Variants in KCNQ1 observed in about 807,000 individuals in gnomAD.
KCNQ1 encodes potassium voltage-gated channel subfamily Q member 1.
Under a neutral mutation model 72.4 loss-of-function variants are expected in KCNQ1, and 49 were observed. The observed-to-expected ratio is 0.68, with a 90% CI of 0.54 to 0.86. KCNQ1 has a LOEUF of 0.86. Ranked by LOEUF, KCNQ1 falls within the 40% of genes least tolerant of loss-of-function variation. The probability of loss-of-function intolerance (pLI) is 0.00; values close to 1 mark genes in which losing one functional copy is unlikely to be tolerated. For synonymous variants in KCNQ1, 450 were observed against 412.6 expected (o/e 1.09, Z -1.10); for missense variants, 790 against 945.1 (o/e 0.84, Z 2.15).
rs908857033 is a variant in KCNQ1 at position 2,644,865 on chromosome 11, T to G, written c.1394-17096T>G. On this transcript the variant is annotated intron_variant, in intron 10 of 15. Transcript: ENST00000155840. ...CCTCTGTAGTTTAGGATGCAGTTGT[T>G]GGTGGAGGCTGTGGTAAAGTCTGGC... 4 of 398,620 alleles carry G rather than the reference T, an allele frequency of 1.0e-5. No individual in the cohort carries two copies. In the Admixed American group the frequency reaches 1.8e-4, roughly 18 times the overall value. 24.7% of individuals were successfully genotyped at this position (398,620 alleles called of 1,614,324 possible). A position where few individuals can be genotyped will look rare whatever the true frequency, so the allele number is the denominator to read the frequency against.
chr11:2,619,229 A>G, intron 10 of KCNQ1: 1 of 398,546 alleles, frequency 2.5e-6, no homozygotes. Context: ...AGTAGTAGCT[A>G]GAGTGGGCAT....
chr11:2,839,696 G>C (rs1009205322), intron 15 of KCNQ1: 1 of 152,352 alleles, frequency 6.6e-6, no homozygotes, highest in Non-Finnish European at 1.5e-5. Flanking sequence ...GCCGTGGTGC[G>C]GACTTTGTTG....
At position 2,651,686 on chromosome 11, in the gene KCNQ1, T is replaced by C; in HGVS notation, c.1394-10275T>C. ...TGACATTAGCCACGTGGCCCTCTGT[T>C]TCCTGTAATAGGCCATTTCCTAAGT... On this transcript the variant is annotated intron_variant, in intron 10 of 15. Transcript: ENST00000155840. The surrounding 1 kb of genome is among the most constrained non-coding windows in gnomAD (Gnocchi z 6.1). The C allele has an allele frequency of 2.5e-6, 1 of 398,632 alleles. No individual in the cohort carries two copies. Among genetic ancestry groups the C allele is most frequent in the Non-Finnish European group, 4.4e-6 (1 of 226,080 alleles). 24.7% of individuals were successfully genotyped at this position (398,632 alleles called of 1,614,324 possible). A position where few individuals can be genotyped will look rare whatever the true frequency, so the allele number is the denominator to read the frequency against.
At chr11:2,792,178 G>T (rs1371808921) in intron 15 of KCNQ1, among the ~76,000 whole-genome samples, 2 of 152,172 alleles carry the variant, frequency 1.3e-5, no homozygotes, top group African/African-American at 2.4e-5. Context: ...CCTCCAGGGG[G>T]TGGCCCTGCA....
chr11:2,652,538 G>C lies in KCNQ1; in HGVS notation c.1394-9423G>C. 2.5e-6 allele frequency: 1 copy of C among 398,598 alleles called. No homozygotes were observed. The highest frequency in any genetic ancestry group is 4.4e-6 in the Non-Finnish European group (1 of 226,064). The allele number at this position is 398,598 out of a possible 1,614,324, so 24.7% of individuals were successfully genotyped here. A position where few individuals can be genotyped will look rare whatever the true frequency, so the allele number is the denominator to read the frequency against. ...GTGAGCTCAACTCTTGGAGAAGATA[G>C]TGCTTAACCCAGATTCCATTGTATA... On this transcript the variant is annotated intron_variant, in intron 10 of 15. Transcript: ENST00000155840. The surrounding 1 kb of genome is among the most constrained non-coding windows in gnomAD (Gnocchi z 5.9).
rs1402866832 is a variant in KCNQ1 at position 2,724,373 on chromosome 11, G to A, written c.1515-44471G>A. Among the ~76,000 whole-genome samples, 1 of 152,194 alleles carries A rather than the reference G, an allele frequency of 6.6e-6. No individual in the cohort carries two copies. Among genetic ancestry groups the A allele is most frequent in the Non-Finnish European group, 1.5e-5 (1 of 68,028 alleles). Reference sequence around the variant, plus strand: ...CCCGCCCGGATTGGGTTTCTGCACAGTGGAATGGAGCTGGCAGCCAGGGTC... The same window carrying A: ...CCCGCCCGGATTGGGTTTCTGCACAATGGAATGGAGCTGGCAGCCAGGGTC... On this transcript the variant is annotated intron_variant, in intron 11 of 15. Transcript: ENST00000155840. This position sits in a 1 kb window ranked among gnomAD's most constrained non-coding sequence, Gnocchi z 6.8.
At position 2,547,890 on chromosome 11, in the gene KCNQ1, C is replaced by T. The variant is rs1040363569; in HGVS notation, c.477+19872C>T. ...AGCATTCCTGGCAGAGAGCATGGCA[C>T]GTGCCAAGACCCGGATGGGGCGTGT... is the stretch of plus-strand genomic sequence containing the variant. On this transcript the variant is annotated intron_variant, in intron 2 of 15. Coordinates refer to ENST00000155840, the MANE Select transcript of KCNQ1 (RefSeq NM_000218.3). This position sits in a 1 kb window ranked among gnomAD's most constrained non-coding sequence, Gnocchi z 4.2. 3.3e-4 allele frequency among the ~76,000 whole-genome samples: 51 copies of T among 152,246 alleles called. No individual in the cohort carries two copies. Among genetic ancestry groups the T allele is most frequent in the African/African-American group, 1.2e-3 (50 of 41,532 alleles).
At chr11:2,733,453 T>G (rs568918365) in intron 11 of KCNQ1, among the ~76,000 whole-genome samples, 1 of 152,206 alleles carries the variant, frequency 6.6e-6, no homozygotes, top group African/African-American at 2.4e-5. Flanking sequence ...TTGGCTTCCC[T>G]GGGCGGTGTC....
chr11:2,492,304 A>G lies in KCNQ1; in HGVS notation c.387-35624A>G, dbSNP rs770570587. Among the ~76,000 whole-genome samples the G allele has an allele frequency of 2.0e-5, 3 of 152,232 alleles. No homozygotes were observed. Among genetic ancestry groups the G allele is most frequent in the Non-Finnish European group, 4.4e-5 (3 of 68,040 alleles). On this transcript the variant is annotated intron_variant, in intron 1 of 15. Transcript: ENST00000155840. This position sits in a 1 kb window ranked among gnomAD's most constrained non-coding sequence, Gnocchi z 4.1. ...CAATAGGCAGTACAATAAGATATAG[A>G]GACAAAAAAACTTAAAAAGCGGAGA...
intron 12 of KCNQ1, among the ~76,000 whole-genome samples, chr11:2,774,694 A>G (rs1406140375): frequency 6.6e-6 from 1 of 152,190 alleles, no homozygotes; most frequent in Non-Finnish European, 1.5e-5. Context: ...AAGTGGGTAC[A>G]TGGAGACCTG....
chr11:2,709,595 C>T (rs1215572869), intron 11 of KCNQ1, among the ~76,000 whole-genome samples: 1 of 152,024 alleles, frequency 6.6e-6, no homozygotes, highest in Admixed American at 6.6e-5. Context: ...ATTTTCAGTG[C>T]CCCTAAAAGC....
Position 2,682,946 on chromosome 11 carries a change from G to T in KCNQ1, c.1514+20865G>T. 2 of 398,570 alleles carry T rather than the reference G, an allele frequency of 5.0e-6. No homozygotes were observed. The highest frequency in any genetic ancestry group is 8.8e-6 in the Non-Finnish European group (2 of 226,070). The allele number at this position is 398,570 out of a possible 1,614,324, so 24.7% of individuals were successfully genotyped here. ...GTGCTCAGGTCTGTGTGGAAGAAAG[G>T]ACAGGAGTCCTTCTGCCACCCAGAC... On this transcript the variant is annotated intron_variant, in intron 11 of 15. Coordinates refer to ENST00000155840, the MANE Select transcript of KCNQ1 (RefSeq NM_000218.3). The surrounding 1 kb of genome is among the most constrained non-coding windows in gnomAD (Gnocchi z 5.8).
intron 11 of KCNQ1, among the ~76,000 whole-genome samples, chr11:2,747,068 G>A: frequency 6.6e-6 from 1 of 152,216 alleles, no homozygotes; most frequent in South Asian, 2.1e-4. Flanking sequence ...CTCTGGCGGG[G>A]TCCTGGAGCC....
intron 6 of KCNQ1, among the ~76,000 whole-genome samples, 158 bp from the exon 7 acceptor site, chr11:2,583,277 T>C (rs1026257476): frequency 6.6e-6 from 1 of 152,154 alleles, no homozygotes; most frequent in Non-Finnish European, 1.5e-5. Flanking sequence ...CCCGCGGCTC[T>C]GTTCCTGGTG....
intron 1 of KCNQ1, among the ~76,000 whole-genome samples, chr11:2,503,739 G>A (rs541910143): frequency 2.0e-5 from 3 of 152,040 alleles, no homozygotes; most frequent in East Asian, 3.8e-4. Flanking sequence ...GGTACTCAAC[G>A]TCACTGATCA....
Position 2,699,707 on chromosome 11 carries a change from G to GGCGCCGAGGAGTCCCCGGGGAGAACT in KCNQ1, c.1514+37638_1514+37663dup, listed in dbSNP as rs1409790286. 32 of 216,154 alleles carry GGCGCCGAGGAGTCCCCGGGGAGAACT rather than the reference G, an allele frequency of 1.5e-4. No homozygotes were observed. In the African/African-American group the frequency reaches 1.6e-3, roughly 11 times the overall value. The allele number at this position is 216,154 out of a possible 1,614,324, so 13.4% of individuals were successfully genotyped here. A position where few individuals can be genotyped will look rare whatever the true frequency, so the allele number is the denominator to read the frequency against. On this transcript the variant is annotated intron_variant, in intron 11 of 15. Coordinates refer to ENST00000155840, the MANE Select transcript of KCNQ1 (RefSeq NM_000218.3). ...AAGCCCCGGGTGCCCCGAGGAGAAC[G>GGCGCCGAGGAGTCCCCGGGGAGAACT]GCGCCGAGGAGTCCCCGGGGAGAAC...
At chr11:2,688,587 C>T (rs918093267) in intron 11 of KCNQ1, 32 of 398,462 alleles carry the variant, frequency 8.0e-5, no homozygotes, top group African/African-American at 6.6e-4. Context: ...AGTGCTCGCT[C>T]ACTGAGGCCA....
chr11:2,792,201 C>T (rs1439020623), intron 15 of KCNQ1, among the ~76,000 whole-genome samples: 3 of 152,276 alleles, frequency 2.0e-5, no homozygotes, highest in East Asian at 1.9e-4. Flanking sequence ...CCCAGAGCAG[C>T]GTGGGCCTGA....
chr11:2,699,628 A>G, intron 11 of KCNQ1: 1 of 352,344 alleles, frequency 2.8e-6, no homozygotes. Flanking sequence ...AACCGCGCCG[A>G]AGAACCCCCG....
Sources: allele counts gnomAD v4.1 joint callset (sites outside exome capture counted in the v4.1 genomes callset), GRCh38; gene constraint gnomAD v4.1.1; non-coding constraint Gnocchi (gnomAD v3.1); transcripts MANE v1.5; gene names NCBI Gene and HGNC (gene_info 2026-07-23, HGNC 2026-07-21).